The following DNAH7 variants were observed in gnomAD, a reference collection of about 807,000 sequenced individuals.
DNAH7 encodes the protein axonemal beta dynein heavy chain 7.
In DNAH7, 397 loss-of-function variants were observed where a neutral mutation model predicts 444.6. That is an observed-to-expected ratio of 0.89 (90% CI 0.82 to 0.97). DNAH7 has a LOEUF of 0.97. DNAH7 is among the 50% of genes least tolerant of loss of function. The pLI, the probability that DNAH7 is intolerant of heterozygous loss-of-function variation, is 0.00. For missense variants in DNAH7, 4,902 were observed against 4,800.8 expected, an observed-to-expected ratio of 1.02 and a Z score of -0.62; for synonymous variants, 1,636 against 1,624.4, an observed-to-expected ratio of 1.01 and a Z score of -0.17.
chr2:195,864,249 AG>A lies in DNAH7; in HGVS notation c.7405del (p.Leu2469CysfsTer7). 6.2e-7 allele frequency: 1 copy of A among 1,614,214 alleles called. No individual in the cohort carries two copies. On this transcript the variant is annotated frameshift_variant, in exon 41 of 65. Transcript: ENST00000312428. LOFTEE classifies it high-confidence loss of function. ...NMFIDHCRSQ[L>X]HVVLAMSPIG... ...GGGACTCATGGCAAGGACCACATGC[AG>A]TTGGCTGCGGCAATGATCAATAAAC...
In DNAH7 at chr2:195,853,452, C is replaced by T. The variant is rs1280278612; in HGVS notation, c.8672G>A (p.Ser2891Asn). The T allele has an allele frequency of 6.2e-7, 1 of 1,614,086 alleles. No individual in the cohort carries two copies. Among genetic ancestry groups the T allele is most frequent in the Admixed American group, 1.7e-5 (1 of 60,014 alleles). Reference protein sequence around the residue: ...GGLGGEKTRWSHTALELGQLY... With the variant: ...GGLGGEKTRWNHTALELGQLY... Reference sequence around the variant, plus strand: ...CTGACCTAGCTCCAGAGCTGTGTGGCTCCATCGAGTTTTCTCACCTCCAAG... The same window carrying T: ...CTGACCTAGCTCCAGAGCTGTGTGGTTCCATCGAGTTTTCTCACCTCCAAG... The change falls in exon 46 of 65, where the codon AGC becomes AAC. Residue 2891 changes from serine (S) to asparagine (N), a missense_variant. Transcript: ENST00000312428.
chr2:196,012,349 T>G (rs1694771334), intron 10 of DNAH7, among the ~76,000 whole-genome samples: 1 of 152,126 alleles, frequency 6.6e-6, no homozygotes. Context: ...TCTAGTGAGA[T>G]TTTTTTAATT....
chr2:196,029,026 T>C (rs1313309302), intron 5 of DNAH7, among the ~76,000 whole-genome samples: 1 of 152,248 alleles, frequency 6.6e-6, no homozygotes, highest in Admixed American at 6.5e-5. Flanking sequence ...AATAGATAGC[T>C]AGTGATCAAT....
intron 9 of DNAH7, among the ~76,000 whole-genome samples, chr2:196,014,462 C>T (rs1000592199): frequency 6.6e-6 from 1 of 152,088 alleles, no homozygotes; most frequent in East Asian, 1.9e-4. Context: ...TATCTTCCCA[C>T]ATCCAATCAG....
chr2:195,782,348 T>C (rs1282708271), intron 58 of DNAH7, among the ~76,000 whole-genome samples: 1 of 152,168 alleles, frequency 6.6e-6, no homozygotes, highest in East Asian at 1.9e-4. Context: ...TATAGCAGTT[T>C]TGGCAAGTTT....
At chr2:195,995,314 C>T (rs1002936129) in intron 12 of DNAH7, 9 of 504,616 alleles carry the variant, frequency 1.8e-5, no homozygotes, top group Admixed American at 8.3e-5. Flanking sequence ...AGTTTTTCTG[C>T]CTTGTTCAAA....
intron 48 of DNAH7, among the ~76,000 whole-genome samples, chr2:195,828,774 C>T (rs751505249): frequency 1.8e-4 from 28 of 151,640 alleles, no homozygotes; most frequent in Non-Finnish European, 2.8e-4. Flanking sequence ...AATATTTTTC[C>T]ACAAAGCCAA....
At chr2:195,924,609 G>C (rs969851213) in intron 22 of DNAH7, among the ~76,000 whole-genome samples, 1 of 150,414 alleles carries the variant, frequency 6.6e-6, no homozygotes, top group Non-Finnish European at 1.5e-5. Flanking sequence ...AAAAAAAAGA[G>C]AGAGAGAGAG....
At chr2:196,068,511 G>C in intron 1 of DNAH7, 186 bp downstream of exon 1, 1 of 761,186 alleles carries the variant, frequency 1.3e-6, no homozygotes. Flanking sequence ...AAACAGCTGG[G>C]AAGGGAACTT....
At chr2:195,990,805 GTGTGTGTA>G (rs1430414605) in intron 12 of DNAH7, among the ~76,000 whole-genome samples, 15 of 143,202 alleles carry the variant, frequency 1.0e-4, no homozygotes, top group South Asian at 4.3e-4. Context: ...GTGTGTGTGT[GTGTGTGTA>G]TATATATATA....
At chr2:196,049,037 C>T (rs1697305556) in intron 3 of DNAH7, among the ~76,000 whole-genome samples, 1 of 152,196 alleles carries the variant, frequency 6.6e-6, no homozygotes, top group African/African-American at 2.4e-5. Flanking sequence ...AATACCAGAA[C>T]ACAAACCTAC....
chr2:195,855,817 T>G lies in DNAH7; in HGVS notation c.8589A>C (p.Glu2863Asp). 1 of 1,612,680 alleles carries G rather than the reference T, an allele frequency of 6.2e-7. No homozygotes were observed. The highest frequency in any genetic ancestry group is 8.5e-7 in the Non-Finnish European group (1 of 1,179,552). The change falls in exon 45 of 65, where the codon GAA (glutamate) becomes GAC (aspartate). Residue 2863 changes from glutamate to aspartate, a missense_variant. Transcript: ENST00000312428. ...TTTCTATATCAGCACACACCTGGTT[T>G]TCCAGGTCAGCCTTCTTTTGTTTAT... ...ELNKQKKADL[E>D]NQVDLCSKKL...
intron 63 of DNAH7, among the ~76,000 whole-genome samples, chr2:195,747,269 A>G (rs1098943): frequency 0.99 from 150,432 of 152,302 alleles, 74,321 homozygotes; most frequent in Middle Eastern, 1. Context: ...TAAATTCCAC[A>G]ACACATATAT....
intron 15 of DNAH7, among the ~76,000 whole-genome samples, chr2:195,980,559 A>G (rs936401936): frequency 6.6e-6 from 1 of 152,254 alleles, no homozygotes; most frequent in African/African-American, 2.4e-5. Flanking sequence ...ATCAAAAAAT[A>G]GAAAACTTTA....
chr2:195,806,959 G>T, intron 53 of DNAH7, 127 bp from the exon 54 acceptor site: 1 of 624,854 alleles, frequency 1.6e-6, no homozygotes, highest in Admixed American at 3.1e-5. Flanking sequence ...TTACTATTTA[G>T]TGTAAAGTTG....
At position 195,910,079 on chromosome 2, in the gene DNAH7, A is replaced by G. The variant is rs1472178547; in HGVS notation, c.4052T>C (p.Val1351Ala). Reference protein sequence around the residue: ...LAKAVAKQCVVFNCSDGLDYL... With the variant: ...LAKAVAKQCVAFNCSDGLDYL... Reference sequence around the variant, plus strand: ...ATCCAACCCATCAGAGCAGTTGAAAACAACACATTGTTTGGCTACAGCTTT... The same window carrying G: ...ATCCAACCCATCAGAGCAGTTGAAAGCAACACATTGTTTGGCTACAGCTTT... Residue 1351 changes from valine to alanine, a missense_variant, in exon 25 of 65, where the codon GTT becomes GCT. Val to Ala is a moderately conservative substitution (Grantham distance 64). Coordinates refer to ENST00000312428, the MANE Select transcript of DNAH7 (RefSeq NM_018897.3). 1 of 1,613,796 alleles carries G rather than the reference A, an allele frequency of 6.2e-7. No individual in the cohort carries two copies. The highest frequency in any genetic ancestry group is 8.5e-7 in the Non-Finnish European group (1 of 1,179,892).
chr2:195,983,553 T>G (rs1692710320), intron 15 of DNAH7, among the ~76,000 whole-genome samples: 1 of 152,126 alleles, frequency 6.6e-6, no homozygotes, highest in African/African-American at 2.4e-5. Flanking sequence ...CTCATTACCA[T>G]CAGGAAGGCA....
intron 47 of DNAH7, among the ~76,000 whole-genome samples, chr2:195,835,774 C>T (rs1054250660): frequency 6.6e-6 from 1 of 151,976 alleles, no homozygotes; most frequent in Admixed American, 6.6e-5. Flanking sequence ...AACCAGGGAG[C>T]CAGAGGTTGC....
chr2:195,833,280 A>G (rs1414941750), intron 48 of DNAH7, among the ~76,000 whole-genome samples: 1 of 152,210 alleles, frequency 6.6e-6, no homozygotes, highest in Middle Eastern at 3.2e-3. Flanking sequence ...CTGTGTGTCT[A>G]TTACATAAAC....
Sources: gnomAD v4.1 joint callset for allele counts (sites outside exome capture counted in the v4.1 genomes callset) on GRCh38, gnomAD v4.1.1 for gene constraint, MANE v1.5 for transcripts, NCBI Gene and HGNC (gene_info 2026-07-23, HGNC 2026-07-21) for gene names.